PARD3B: variants seen among roughly 807,000 people sequenced by gnomAD.
PARD3B encodes the protein partitioning defective 3 homolog B.
A neutral mutation model predicts 130.2 loss-of-function variants in PARD3B; 103 were observed. That is an observed-to-expected ratio of 0.79 (90% CI 0.67 to 0.93). PARD3B has a LOEUF of 0.93. Among genes scored for constraint, PARD3B ranks in the 40% least tolerant of loss-of-function variants. PARD3B has a pLI of 0.00. For missense variants in PARD3B, 1,609 were observed against 1,499.2 expected (o/e 1.07, Z -1.21); for synonymous variants, 583 against 553.2 (o/e 1.05, Z -0.76).
chr2:205,196,095 A>T (rs2036667448), intron 15 of PARD3B, among the ~76,000 whole-genome samples: 1 of 152,178 alleles, frequency 6.6e-6, no homozygotes, highest in Admixed American at 6.5e-5. Context: ...ATTAAGAAAA[A>T]ATAAAGCCTC....
At chr2:204,834,729 G>A (rs1290503084) in intron 2 of PARD3B, among the ~76,000 whole-genome samples, 2 of 152,204 alleles carry the variant, frequency 1.3e-5, no homozygotes, top group African/African-American at 4.8e-5. Context: ...TTAGCAAAGG[G>A]AGAGGAAATT....
intron 20 of PARD3B, among the ~76,000 whole-genome samples, chr2:205,483,145 A>T (rs982277889): frequency 4.6e-5 from 7 of 152,056 alleles, no homozygotes; most frequent in East Asian, 1.9e-4. Flanking sequence ...CCTTGATGGG[A>T]TTAAGCATAT....
At chr2:204,715,671 A>G (rs1031244930) in intron 2 of PARD3B, among the ~76,000 whole-genome samples, 16 of 152,160 alleles carry the variant, frequency 1.1e-4, no homozygotes, top group African/African-American at 3.4e-4. Flanking sequence ...AAGATCTTCT[A>G]TAGAAGAGAA....
At chr2:204,607,182 A>G (rs2125111671) in intron 1 of PARD3B, among the ~76,000 whole-genome samples, 1 of 152,218 alleles carries the variant, frequency 6.6e-6, no homozygotes, top group East Asian at 1.9e-4. Context: ...ATATGATAAT[A>G]TTCAGTGCCT....
Position 205,104,466 on chromosome 2 carries a change from G to T in PARD3B, c.545G>T (p.Gly182Val). The change falls in exon 5 of 23, where the codon GGT becomes GTT. Residue 182 changes from glycine to valine, a missense_variant. Gly to Val is a moderately radical substitution (Grantham distance 109). Coordinates refer to ENST00000406610, the MANE Select transcript of PARD3B (RefSeq NM_001302769.2). ...QNLEDREVLN[G>V]VQTELLTSPR... ...TTGGAAGACAGAGAAGTTTTGAATG[G>T]TGTACAGACAGAACTACTAACTTCG... The T allele has an allele frequency of 1.2e-6, 2 of 1,603,460 alleles. No individual in the cohort carries two copies. The highest frequency in any genetic ancestry group is 1.7e-6 in the Non-Finnish European group (2 of 1,170,530).
intron 18 of PARD3B, among the ~76,000 whole-genome samples, chr2:205,381,191 ATATT>A (rs2045426614): frequency 8.1e-6 from 1 of 123,998 alleles, no homozygotes; most frequent in Admixed American, 9.6e-5. Flanking sequence ...TAAAGAATAT[ATATT>A]ATATATAATA....
At chr2:205,462,633 A>G (rs1457308320) in intron 20 of PARD3B, among the ~76,000 whole-genome samples, 4 of 152,232 alleles carry the variant, frequency 2.6e-5, no homozygotes, top group African/African-American at 7.2e-5. Flanking sequence ...TTCCAGGCAC[A>G]TGGAGTTCTA....
intron 21 of PARD3B, among the ~76,000 whole-genome samples, chr2:205,501,546 C>G (rs1323439135): frequency 6.6e-6 from 1 of 152,258 alleles, no homozygotes. Context: ...TCAGCTCCCT[C>G]GATAAGCCAA....
Position 204,762,214 on chromosome 2 carries a change from C to T in PARD3B, c.222+75932C>T, listed in dbSNP as rs560883851. Among the ~76,000 whole-genome samples the T allele has an allele frequency of 6.0e-5, 9 of 150,314 alleles. No homozygotes were observed. The East Asian group carries it at 1.8e-3, about 29-fold the overall frequency. On this transcript the variant is annotated intron_variant, in intron 2 of 22. Transcript: ENST00000406610. Reference sequence around the variant, plus strand: ...TCGGCTGACTGCAACCTCTGCCTCCCAGGTTCAAGTGATTCTCCTGCCTCA... The same window carrying T: ...TCGGCTGACTGCAACCTCTGCCTCCTAGGTTCAAGTGATTCTCCTGCCTCA...
At chr2:205,134,579 T>C (rs2125655113) in intron 10 of PARD3B, among the ~76,000 whole-genome samples, 1 of 151,948 alleles carries the variant, frequency 6.6e-6, no homozygotes, top group Middle Eastern at 3.4e-3. Context: ...CTGAGGTAAA[T>C]GCTGTACCTT....
intron 1 of PARD3B, among the ~76,000 whole-genome samples, chr2:204,658,530 T>C (rs968639092): frequency 6.6e-6 from 1 of 152,190 alleles, no homozygotes; most frequent in Non-Finnish European, 1.5e-5. Flanking sequence ...CTTGCAAAAA[T>C]TGGTGACCAT....
At chr2:205,103,008 C>T (rs1702894247) in intron 4 of PARD3B, among the ~76,000 whole-genome samples, 1 of 151,988 alleles carries the variant, frequency 6.6e-6, no homozygotes, top group South Asian at 2.1e-4. Context: ...GCGGAGGTTG[C>T]AGTGAGCCGA....
At chr2:205,536,502 C>T (rs2051865781) in intron 21 of PARD3B, among the ~76,000 whole-genome samples, 1 of 152,086 alleles carries the variant, frequency 6.6e-6, no homozygotes, top group Admixed American at 6.5e-5. Flanking sequence ...TGATGTTTCC[C>T]TTGTGAATGT....
intron 15 of PARD3B, among the ~76,000 whole-genome samples, chr2:205,234,246 G>A (rs1300337625): frequency 6.6e-6 from 1 of 152,178 alleles, no homozygotes; most frequent in African/African-American, 2.4e-5. Context: ...CTTGAGCCCA[G>A]GAGTTCAAGG....
Position 205,087,152 on chromosome 2 carries a change from G to C in PARD3B, c.505-17274G>C, listed in dbSNP as rs12479129. ...TTCATAATACAAACAAAAGACAGGC[G>C]TCTGAACTTAAAAGTACATCCAAAC... is the stretch of plus-strand genomic sequence containing the variant. On this transcript the variant is annotated intron_variant, in intron 4 of 22. Coordinates refer to ENST00000406610, the MANE Select transcript of PARD3B (RefSeq NM_001302769.2). Among the ~76,000 whole-genome samples the C allele has an allele frequency of 3.9e-3, 586 of 152,124 alleles. 3 individuals carry two copies. Among genetic ancestry groups the C allele is most frequent in the South Asian group, 0.018 (86 of 4,828 alleles).
intron 1 of PARD3B, among the ~76,000 whole-genome samples, chr2:204,564,832 A>G (rs2031571570): frequency 6.6e-6 from 1 of 152,264 alleles, no homozygotes; most frequent in Non-Finnish European, 1.5e-5. Flanking sequence ...GCTTCGTCAG[A>G]TAATTGTAGA....
At chr2:205,001,923 T>C (rs1367242348) in intron 3 of PARD3B, among the ~76,000 whole-genome samples, 1 of 152,194 alleles carries the variant, frequency 6.6e-6, no homozygotes, top group Non-Finnish European at 1.5e-5. Context: ...ATACATGGTA[T>C]TGAATGAAGA....
chr2:205,127,876 T>C lies in PARD3B; in HGVS notation c.1434+2139T>C, dbSNP rs570096107. Among the ~76,000 whole-genome samples the C allele has an allele frequency of 1.8e-4, 28 of 152,336 alleles. No homozygotes were observed. The South Asian group carries it at 5.6e-3, about 30-fold the overall frequency. On this transcript the variant is annotated intron_variant, in intron 10 of 22. Transcript: ENST00000406610. ...CTTTCTAGAGAAATGATGCAGAAACTTGGAGTCTGGATTTTTTTTCTAAAA... is the reference window on the plus strand; with the variant it reads ...CTTTCTAGAGAAATGATGCAGAAACCTGGAGTCTGGATTTTTTTTCTAAAA...
chr2:205,108,416 A>G (rs1008791065), intron 5 of PARD3B, among the ~76,000 whole-genome samples: 1 of 152,150 alleles, frequency 6.6e-6, no homozygotes, highest in Non-Finnish European at 1.5e-5. Context: ...TCTCAAGCTA[A>G]TGGTTTAATC....
Sources: gnomAD v4.1 joint callset for allele counts (sites outside exome capture counted in the v4.1 genomes callset) on GRCh38, gnomAD v4.1.1 for gene constraint, MANE v1.5 for transcripts, NCBI Gene and HGNC (gene_info 2026-07-23, HGNC 2026-07-21) for gene names.